The following NEDD9 variants were observed in gnomAD, a reference collection of about 807,000 sequenced individuals.
The protein encoded by NEDD9 is neural precursor cell expressed, developmentally down-regulated 9.
Under a neutral mutation model 76.6 loss-of-function variants are expected in NEDD9, and 26 were observed. The ratio of observed to expected loss-of-function variants is 0.34; its 90% CI spans 0.25 to 0.47. The LOEUF is 0.47. Ranked by LOEUF, NEDD9 falls within the 20% of genes least tolerant of loss-of-function variation. The pLI, the probability that NEDD9 is intolerant of heterozygous loss-of-function variation, is 1.00. For missense variants in NEDD9, 937 were observed against 1,058.5 expected (o/e 0.89, Z 1.59); for synonymous variants, 392 against 414.2 (o/e 0.95, Z 0.65).
rs1430547742 is a variant in NEDD9, at chr6:11,213,452, G to A, written c.288C>T (p.Asn96=). ...TGGTGTCTCGGGGAGCAGCCTGTGG[G>A]TTTGGCACTTGATAGAGCTTCTGTT... The part of the protein sequence containing the change: ...FGQQKLYQVP[N]PQAAPRDTIY... The change falls in exon 2 of 7, where the codon AAC becomes AAT. Residue 96 remains asparagine (N), a synonymous_variant. Transcript: ENST00000379446. The surrounding 1 kb of genome is among the most constrained non-coding windows in gnomAD (Gnocchi z 5.4). 3 of 1,613,990 alleles carry A rather than the reference G, an allele frequency of 1.9e-6. No homozygotes were observed. Among genetic ancestry groups the A allele is most frequent in the East Asian group, 2.2e-5 (1 of 44,886 alleles).
At chr6:11,246,067 G>A (rs547455862) in intron 3 of NEDD9, among the ~76,000 whole-genome samples, 2 of 152,188 alleles carry the variant, frequency 1.3e-5, no homozygotes, top group Non-Finnish European at 2.9e-5. Flanking sequence ...GGGGGAGCGG[G>A]CAGGGATGGG....
chr6:11,291,112 C>T (rs1169043570), intron 3 of NEDD9, among the ~76,000 whole-genome samples: 1 of 152,026 alleles, frequency 6.6e-6, no homozygotes, highest in Admixed American at 6.5e-5. Context: ...GACTGGACCA[C>T]GAGTGAGAAC....
At chr6:11,341,209 A>T (rs1762266951) in intron 1 of NEDD9, among the ~76,000 whole-genome samples, 1 of 152,232 alleles carries the variant, frequency 6.6e-6, no homozygotes, top group African/African-American at 2.4e-5. Flanking sequence ...GAAGCAAGAT[A>T]GTTTTCAGAC....
At chr6:11,291,267 G>GTTTTTTTTTT (rs869185428) in intron 3 of NEDD9, among the ~76,000 whole-genome samples, 7 of 95,824 alleles carry the variant, frequency 7.3e-5, no homozygotes, top group African/African-American at 1.5e-4. Flanking sequence ...ATAGAATGAG[G>GTTTTTTTTTT]TTTTTTTTTT....
chr6:11,299,646 G>A (rs1230837234), intron 3 of NEDD9, among the ~76,000 whole-genome samples: 1 of 152,196 alleles, frequency 6.6e-6, no homozygotes. Flanking sequence ...CCCCTGGGAC[G>A]AAGCTTCCAG....
intron 1 of NEDD9, among the ~76,000 whole-genome samples, chr6:11,366,355 A>G (rs1762768508): frequency 6.6e-6 from 1 of 151,668 alleles, no homozygotes; most frequent in Non-Finnish European, 1.5e-5. Flanking sequence ...AAAGAAAGAA[A>G]TGAAGAAAGA....
chr6:11,231,469 G>C (rs1256842019), intron 1 of NEDD9, among the ~76,000 whole-genome samples: 1 of 152,180 alleles, frequency 6.6e-6, no homozygotes, highest in Non-Finnish European at 1.5e-5. Flanking sequence ...TAGAAAAAAA[G>C]CGAAGTAGCT....
intron 2 of NEDD9, among the ~76,000 whole-genome samples, chr6:11,318,707 C>A (rs577181355): frequency 6.6e-6 from 1 of 152,186 alleles, no homozygotes; most frequent in Admixed American, 6.5e-5. Flanking sequence ...CAACAGAAAA[C>A]AGCTCACTCT....
At position 11,252,859 on chromosome 6, in the gene NEDD9, T is replaced by G. The variant is rs1759937608; in HGVS notation, c.13-39132A>C. 6.6e-6 allele frequency among the ~76,000 whole-genome samples: 1 copy of G among 152,132 alleles called. No homozygotes were observed. The highest frequency in any genetic ancestry group is 1.5e-5 in the Non-Finnish European group (1 of 68,010). On this transcript the variant is annotated intron_variant, in intron 3 of 3. Transcript: ENST00000397378. The surrounding 1 kb of genome is among the most constrained non-coding windows in gnomAD (Gnocchi z 4.3). ...TATTCTAAAAATAAATAAATAAAAA[T>G]TAGACACAGAAATGGAAGTGATAGG...
At chr6:11,314,538 C>A (rs972382714) in intron 2 of NEDD9, among the ~76,000 whole-genome samples, 16 of 152,148 alleles carry the variant, frequency 1.1e-4, no homozygotes, top group African/African-American at 3.1e-4. Context: ...AGCAAGGCAG[C>A]TTTTATGCCC....
chr6:11,374,616 G>T (rs542543535), intron 1 of NEDD9, among the ~76,000 whole-genome samples: 7 of 152,282 alleles, frequency 4.6e-5, no homozygotes, highest in Admixed American at 2.6e-4. Context: ...CTGCATAGTC[G>T]CATATGCTAT....
chr6:11,233,466 C>T (rs1306435834), upstream of NEDD9: 1 of 518,698 alleles, frequency 1.9e-6, no homozygotes, highest in Non-Finnish European at 3.8e-6. Context: ...CATCACCGTC[C>T]ACTGAGTTCT....
At chr6:11,312,286 C>T (rs1004971301) in intron 2 of NEDD9, among the ~76,000 whole-genome samples, 3 of 152,194 alleles carry the variant, frequency 2.0e-5, no homozygotes, top group Non-Finnish European at 4.4e-5. Flanking sequence ...ACCACCCACA[C>T]TAGATGCTGG....
At chr6:11,187,109 A>G (rs1472966197) in intron 6 of NEDD9, among the ~76,000 whole-genome samples, 1 of 147,664 alleles carries the variant, frequency 6.8e-6, no homozygotes, top group African/African-American at 2.5e-5. Flanking sequence ...AAATATGTTC[A>G]TCAATATATC....
intron 3 of NEDD9, among the ~76,000 whole-genome samples, chr6:11,272,877 G>C (rs751353003): frequency 6.6e-5 from 10 of 152,176 alleles, no homozygotes; most frequent in Non-Finnish European, 1.5e-4. Flanking sequence ...ATATTGGGTG[G>C]TTGTTGTTTT....
chr6:11,192,279 C>A, intron 4 of NEDD9, 66 bp downstream of exon 4: 1 of 364,626 alleles, frequency 2.7e-6, no homozygotes, highest in African/African-American at 6.1e-5. Context: ...CCTCCCAACC[C>A]TGCACCCCCC....
In NEDD9 at chr6:11,281,407, T is replaced by C. The variant is rs142820585; in HGVS notation, c.12+24585A>G. ...TTATGCAGGAGGTTGCTGGTAAAGT[T>C]TCTTCACTCTTAGAAAGAGACACAA... On this transcript the variant is annotated intron_variant, in intron 3 of 3. Transcript: ENST00000397378. Among the ~76,000 whole-genome samples the C allele has an allele frequency of 9.8e-5, 15 of 152,384 alleles. No homozygotes were observed. In the East Asian group the frequency reaches 2.5e-3, roughly 25 times the overall value.
rs116180075 is a variant in NEDD9, at chr6:11,330,016, G to A, written c.-153+4485C>T. Among the ~76,000 whole-genome samples, 276 of 152,354 alleles carry A rather than the reference G, an allele frequency of 1.8e-3. 1 individual carries two copies. Among genetic ancestry groups the A allele is most frequent in the African/African-American group, 6.1e-3 (254 of 41,576 alleles). ...GAAATGATCAGTATCTGTGCTGTCCGATGTGGGAGCTACCAGCCACATGTG... is the reference window on the plus strand; with the variant it reads ...GAAATGATCAGTATCTGTGCTGTCCAATGTGGGAGCTACCAGCCACATGTG... On this transcript the variant is annotated intron_variant, in intron 2 of 3. Coordinates refer to the NEDD9 transcript ENST00000397378.
chr6:11,188,148 G>C, intron 6 of NEDD9, 70 bp downstream of exon 6: 1 of 1,150,200 alleles, frequency 8.7e-7, no homozygotes, highest in Non-Finnish European at 1.3e-6. Context: ...CTCTTGAAGT[G>C]ATACCTTTCC....
Sources: gnomAD v4.1 joint callset for allele counts (sites outside exome capture counted in the v4.1 genomes callset) on GRCh38, gnomAD v4.1.1 for gene constraint, Gnocchi (gnomAD v3.1) non-coding constraint, MANE v1.5 for transcripts, NCBI Gene and HGNC (gene_info 2026-07-23, HGNC 2026-07-21) for gene names.